The following NCEH1 variants were observed in gnomAD, a reference collection of about 807,000 sequenced individuals.
NCEH1 encodes the protein neutral cholesterol ester hydrolase 1, also known as 2-acetyl MAGE hydrolase.
In NCEH1, 9 loss-of-function variants were observed where a neutral mutation model predicts 25.4. That is an observed-to-expected ratio of 0.35 (90% CI 0.21 to 0.62). The LOEUF (loss-of-function observed/expected upper bound fraction) is 0.62. Ranked by LOEUF, NCEH1 falls within the 20% of genes least tolerant of loss-of-function variation. NCEH1 has a pLI of 0.72. For missense variants in NCEH1, 412 were observed against 501.1 expected (o/e 0.82, Z 1.70); for synonymous variants, 200 against 199.8 (o/e 1.00, Z -0.01).
intron 1 of NCEH1, among the ~76,000 whole-genome samples, chr3:172,698,839 G>A (rs1713526046): frequency 6.6e-6 from 1 of 152,226 alleles, no homozygotes; most frequent in South Asian, 2.1e-4. Context: ...AGAGTCAGAA[G>A]CACGTGGAAG....
intron 1 of NCEH1, among the ~76,000 whole-genome samples, chr3:172,653,218 G>A (rs1444068148): frequency 2.6e-5 from 4 of 152,088 alleles, no homozygotes; most frequent in East Asian, 1.9e-4. Flanking sequence ...TACTCATTAC[G>A]CCCCAGTGGA....
chr3:172,667,852 C>T (rs1460808608), intron 1 of NCEH1, among the ~76,000 whole-genome samples: 2 of 152,102 alleles, frequency 1.3e-5, no homozygotes, highest in African/African-American at 4.8e-5. Flanking sequence ...TAAACCTTTG[C>T]CAAGCACTGT....
intron 1 of NCEH1, among the ~76,000 whole-genome samples, chr3:172,710,053 G>C (rs548209931): frequency 1.4e-4 from 21 of 152,326 alleles, no homozygotes; most frequent in African/African-American, 5.1e-4. Flanking sequence ...TGTATGGAAG[G>C]AATGAACACA....
chr3:172,651,996 T>C (rs1056288123), intron 1 of NCEH1, among the ~76,000 whole-genome samples: 1 of 152,152 alleles, frequency 6.6e-6, no homozygotes, highest in Non-Finnish European at 1.5e-5. Flanking sequence ...GAGGGCTGTA[T>C]AGATAAATAT....
chr3:172,710,786 T>C (rs1478160434), intron 1 of NCEH1, 61 bp downstream of exon 1: 11 of 1,579,358 alleles, frequency 7.0e-6, no homozygotes, highest in Non-Finnish European at 9.5e-6. Flanking sequence ...AGGAATTTTG[T>C]ATCCCCTTCA....
chr3:172,684,734 A>G (rs1560201805), intron 1 of NCEH1, among the ~76,000 whole-genome samples: 1 of 152,214 alleles, frequency 6.6e-6, no homozygotes, highest in African/African-American at 2.4e-5. Flanking sequence ...TAATCCCAGC[A>G]CTTTGGGAGG....
At chr3:172,638,002 G>A (rs1021056182) in intron 3 of NCEH1, among the ~76,000 whole-genome samples, 1 of 152,082 alleles carries the variant, frequency 6.6e-6, no homozygotes, top group Non-Finnish European at 1.5e-5. Flanking sequence ...AGCTGAGATC[G>A]AAAGAACAAG....
chr3:172,682,995 G>T (rs974710572), intron 1 of NCEH1, among the ~76,000 whole-genome samples: 4 of 152,210 alleles, frequency 2.6e-5, no homozygotes, highest in African/African-American at 9.6e-5. Flanking sequence ...AAGTAGAAAG[G>T]ATTTAAGTTT....
intron 1 of NCEH1, among the ~76,000 whole-genome samples, chr3:172,648,996 C>T (rs942445794): frequency 6.6e-6 from 1 of 152,124 alleles, no homozygotes; most frequent in African/African-American, 2.4e-5. Flanking sequence ...TGAAACAGAA[C>T]ACTGGTGATT....
chr3:172,649,402 G>A (rs147727923), intron 1 of NCEH1, among the ~76,000 whole-genome samples: 72 of 152,172 alleles, frequency 4.7e-4, no homozygotes, highest in African/African-American at 1.6e-3. Context: ...AATATTATTC[G>A]CTGGCAAGTA....
At chr3:172,653,735 G>GTTTTTGTTTTTTTTTTTGTTTTTTTTTT (rs780071347) in intron 1 of NCEH1, among the ~76,000 whole-genome samples, 11 of 71,004 alleles carry the variant, frequency 1.5e-4, no homozygotes, top group East Asian at 6.5e-4. Context: ...TTGTTGTTCT[G>GTTTTTGTTTTTTTTTTTGTTTTTTTTTT]TTTTTTTTGT....
At chr3:172,672,028 G>A (rs562784494) in intron 1 of NCEH1, among the ~76,000 whole-genome samples, 2 of 152,302 alleles carry the variant, frequency 1.3e-5, no homozygotes, top group Non-Finnish European at 2.9e-5. Flanking sequence ...CTCATTCACT[G>A]ATTCACCCAG....
intron 3 of NCEH1, 129 bp from the exon 4 acceptor site, chr3:172,636,216 G>A: frequency 2.0e-6 from 1 of 510,838 alleles, no homozygotes; most frequent in Non-Finnish European, 3.4e-6. Context: ...ATTATTGTAT[G>A]AAAAAGAAAA....
At chr3:172,679,525 A>G (rs1712222834) in intron 1 of NCEH1, among the ~76,000 whole-genome samples, 1 of 151,838 alleles carries the variant, frequency 6.6e-6, no homozygotes, top group African/African-American at 2.4e-5. Context: ...AGCTCCCACT[A>G]ATTCATTCAG....
At chr3:172,657,926 T>C (rs1444594494) in intron 1 of NCEH1, among the ~76,000 whole-genome samples, 1 of 152,222 alleles carries the variant, frequency 6.6e-6, no homozygotes, top group African/African-American at 2.4e-5. Context: ...ACAGGAATTT[T>C]GCAAGTCAGT....
chr3:172,645,379 T>A (rs929682267), intron 3 of NCEH1, among the ~76,000 whole-genome samples: 3 of 152,190 alleles, frequency 2.0e-5, no homozygotes, highest in Non-Finnish European at 4.4e-5. Flanking sequence ...TTTTAGTTAA[T>A]CCTTTTTTCA....
At chr3:172,680,222 C>T (rs575713863) in intron 1 of NCEH1, among the ~76,000 whole-genome samples, 2 of 152,302 alleles carry the variant, frequency 1.3e-5, no homozygotes, top group Admixed American at 6.5e-5. Context: ...TACCGATTTT[C>T]TTTGCCAAGG....
At chr3:172,691,376 T>C (rs538443744) in intron 1 of NCEH1, among the ~76,000 whole-genome samples, 4 of 22,720 alleles carry the variant, frequency 1.8e-4, no homozygotes, top group African/African-American at 1.1e-3. Context: ...CCTTCATTTT[T>C]GTTCCCCTAG....
intron 3 of NCEH1, among the ~76,000 whole-genome samples, chr3:172,643,632 C>A (rs970439151): frequency 6.6e-6 from 1 of 152,170 alleles, no homozygotes; most frequent in Non-Finnish European, 1.5e-5. Flanking sequence ...CCTTGCAATA[C>A]CCATTTTACT....
Sources: gnomAD v4.1 joint callset for allele counts (sites outside exome capture counted in the v4.1 genomes callset) on GRCh38, gnomAD v4.1.1 for gene constraint, MANE v1.5 for transcripts, NCBI Gene and HGNC (gene_info 2026-07-23, HGNC 2026-07-21) for gene names.